The following RPS6KA5 variants were observed in gnomAD, a reference collection of about 807,000 sequenced individuals.
The protein encoded by RPS6KA5 is ribosomal protein S6 kinase alpha-5.
RPS6KA5 carries 27 observed loss-of-function variants against 85.5 expected under a neutral mutation model. The observed-to-expected ratio is 0.32, with a 90% CI of 0.23 to 0.44. The LOEUF is 0.44. Among genes scored for constraint, RPS6KA5 ranks in the 20% least tolerant of loss-of-function variants. RPS6KA5 has a pLI of 1.00. For missense variants in RPS6KA5, 811 were observed against 980.9 expected (o/e 0.83, Z 2.31); for synonymous variants, 334 against 348.2 (o/e 0.96, Z 0.46).
At chr14:91,031,234 A>C (rs917965583) in intron 1 of RPS6KA5, among the ~76,000 whole-genome samples, 3 of 152,176 alleles carry the variant, frequency 2.0e-5, no homozygotes, top group African/African-American at 7.2e-5. Context: ...CAAAATCCCA[A>C]GTAACAATTC....
intron 4 of RPS6KA5, among the ~76,000 whole-genome samples, chr14:90,943,667 A>G (rs1566773132): frequency 6.6e-6 from 1 of 151,930 alleles, no homozygotes; most frequent in Non-Finnish European, 1.5e-5. Context: ...GCTATTTCCT[A>G]CTTGTCTTTA....
At chr14:90,918,611 T>C (rs1324785675) in intron 7 of RPS6KA5, among the ~76,000 whole-genome samples, 1 of 152,262 alleles carries the variant, frequency 6.6e-6, no homozygotes, top group Non-Finnish European at 1.5e-5. Flanking sequence ...CACAACGGTC[T>C]TCCTTTATGT....
At chr14:90,908,708 T>C (rs371457162) in intron 7 of RPS6KA5, among the ~76,000 whole-genome samples, 26 of 152,190 alleles carry the variant, frequency 1.7e-4, no homozygotes, top group African/African-American at 6.0e-4. Context: ...CTATTTCTTA[T>C]ACCATACTCT....
intron 1 of RPS6KA5, among the ~76,000 whole-genome samples, chr14:91,042,546 T>G (rs1238429336): frequency 6.6e-6 from 1 of 152,056 alleles, no homozygotes; most frequent in East Asian, 1.9e-4. Context: ...GAATCACAAT[T>G]TTTAAAAAAC....
chr14:90,954,224 T>G (rs1449966975), intron 3 of RPS6KA5, among the ~76,000 whole-genome samples: 1 of 152,208 alleles, frequency 6.6e-6, no homozygotes, highest in Non-Finnish European at 1.5e-5. Flanking sequence ...GTTATTCTTG[T>G]GATGTTTTTA....
rs527585612 is a variant in RPS6KA5 at position 90,918,751 on chromosome 14, A to G, written c.806+1455T>C. Among the ~76,000 whole-genome samples, 9 of 152,336 alleles carry G rather than the reference A, an allele frequency of 5.9e-5. No homozygotes were observed. In the East Asian group the frequency reaches 1.5e-3, roughly 26 times the overall value. On this transcript the variant is annotated intron_variant, in intron 7 of 16. Transcript: ENST00000614987. ...TTCCATCTGGATAGCCAGTGGTTCC[A>G]GCACCATTTATTCAAAACTATCTTT...
Position 90,853,366 on chromosome 14 carries a change from A to G in RPS6KA5, c.*18708T>C, listed in dbSNP as rs574385996. On this transcript the variant is annotated 3_prime_UTR_variant, in exon 17 of 17. Coordinates refer to ENST00000614987, the MANE Select transcript of RPS6KA5 (RefSeq NM_004755.4). ...TTCAAAGAGTAGATTCATCAAACTAAGATCTCCCATTAAGACATCAACAAT... is the reference window on the plus strand; with the variant it reads ...TTCAAAGAGTAGATTCATCAAACTAGGATCTCCCATTAAGACATCAACAAT... The G allele has an allele frequency of 5.3e-5, 8 of 152,296 alleles. No homozygotes were observed. Among genetic ancestry groups the G allele is most frequent in the African/African-American group, 1.9e-4 (8 of 41,572 alleles). 9.4% of individuals were successfully genotyped at this position (152,296 alleles called of 1,614,324 possible).
chr14:90,978,211 T>C, intron 3 of RPS6KA5, 95 bp downstream of exon 3: 1 of 861,518 alleles, frequency 1.2e-6, no homozygotes, highest in Admixed American at 2.9e-5. Context: ...TTTCACTTCT[T>C]CTAAGTCCAT....
chr14:91,014,420 T>C (rs1031216364), intron 1 of RPS6KA5, among the ~76,000 whole-genome samples: 19 of 150,148 alleles, frequency 1.3e-4, no homozygotes, highest in African/African-American at 4.2e-4. Context: ...GAGAATCGCT[T>C]GAACCCGGGA....
At chr14:90,902,061 T>A (rs1056554799) in intron 9 of RPS6KA5, among the ~76,000 whole-genome samples, 1 of 151,102 alleles carries the variant, frequency 6.6e-6, no homozygotes, top group East Asian at 2.0e-4. Flanking sequence ...GCACCTGTGG[T>A]CCCAGCTATT....
At chr14:90,931,674 ATATAGT>A (rs1286767642) in intron 5 of RPS6KA5, among the ~76,000 whole-genome samples, 4 of 152,318 alleles carry the variant, frequency 2.6e-5, no homozygotes, top group Non-Finnish European at 5.9e-5. Flanking sequence ...TTTACAAAAC[ATATAGT>A]TATAAAGGGT....
At chr14:90,984,169 T>C (rs1392056745) in intron 2 of RPS6KA5, among the ~76,000 whole-genome samples, 2 of 152,210 alleles carry the variant, frequency 1.3e-5, no homozygotes, top group Non-Finnish European at 2.9e-5. Flanking sequence ...TTCACTGGTA[T>C]TCCAGAGGAC....
At chr14:90,981,477 T>C (rs1420478754) in intron 2 of RPS6KA5, among the ~76,000 whole-genome samples, 1 of 152,192 alleles carries the variant, frequency 6.6e-6, no homozygotes, top group African/African-American at 2.4e-5. Context: ...AAAATATGCA[T>C]GAAGTAGCAT....
chr14:91,058,651 C>T (rs1373642419), intron 1 of RPS6KA5, among the ~76,000 whole-genome samples: 2 of 152,164 alleles, frequency 1.3e-5, no homozygotes, highest in African/African-American at 4.8e-5. Context: ...TAAATGTATA[C>T]TGAGTAAACC....
In RPS6KA5 at chr14:91,026,992, T is replaced by C. The variant is rs542276832; in HGVS notation, c.104-25833A>G. 1.5e-4 allele frequency among the ~76,000 whole-genome samples: 23 copies of C among 152,364 alleles called. No homozygotes were observed. The South Asian group carries it at 3.5e-3, about 23-fold the overall frequency. On this transcript the variant is annotated intron_variant, in intron 1 of 16. Coordinates refer to ENST00000614987, the MANE Select transcript of RPS6KA5 (RefSeq NM_004755.4). ...GGTTATTTGTTGTTTGCTTGTTGAA[T>C]TGTTTAAGTCCTTTATAGATTCTGG...
At chr14:90,997,147 A>C (rs1053190459) in intron 2 of RPS6KA5, among the ~76,000 whole-genome samples, 1 of 152,212 alleles carries the variant, frequency 6.6e-6, no homozygotes, top group African/African-American at 2.4e-5. Flanking sequence ...AAGGAAGACG[A>C]CCATTCAGAT....
intron 3 of RPS6KA5, among the ~76,000 whole-genome samples, chr14:90,965,372 T>C (rs1017123931): frequency 6.6e-6 from 1 of 152,028 alleles, no homozygotes; most frequent in African/African-American, 2.4e-5. Flanking sequence ...AGACTCTGTC[T>C]CAACAAAAAA....
chr14:91,043,337 T>G lies in RPS6KA5; in HGVS notation c.103+16995A>C, dbSNP rs556313437. ...CCTACTACCTTGGCTTTAAATGTCATCTAATGGTCAATGATGCTAGGATTT... is the reference window on the plus strand; with the variant it reads ...CCTACTACCTTGGCTTTAAATGTCAGCTAATGGTCAATGATGCTAGGATTT... On this transcript the variant is annotated intron_variant, in intron 1 of 16. Transcript: ENST00000614987. Among the ~76,000 whole-genome samples, 14 of 152,306 alleles carry G rather than the reference T, an allele frequency of 9.2e-5. 1 individual carries two copies. In the South Asian group the frequency reaches 2.9e-3, roughly 32 times the overall value.
Position 90,854,993 on chromosome 14 carries a change from G to A in RPS6KA5, c.*17081C>T, listed in dbSNP as rs2032199225. The A allele has an allele frequency of 6.6e-6, 1 of 152,086 alleles. No homozygotes were observed. Among genetic ancestry groups the A allele is most frequent in the South Asian group, 2.1e-4 (1 of 4,828 alleles). 9.4% of individuals were successfully genotyped at this position (152,086 alleles called of 1,614,324 possible). On this transcript the variant is annotated 3_prime_UTR_variant, in exon 17 of 17. Coordinates refer to ENST00000614987, the MANE Select transcript of RPS6KA5 (RefSeq NM_004755.4). Reference sequence around the variant, plus strand: ...ACATTTTCTATAAAAGTATTTTGAAGTTTTAAAAGTCTAATCGATTTTTTT... The same window carrying A: ...ACATTTTCTATAAAAGTATTTTGAAATTTTAAAAGTCTAATCGATTTTTTT...
Sources: allele counts gnomAD v4.1 joint callset (sites outside exome capture counted in the v4.1 genomes callset), GRCh38; gene constraint gnomAD v4.1.1; transcripts MANE v1.5; gene names NCBI Gene and HGNC (gene_info 2026-07-23, HGNC 2026-07-21).